The following IRF7 variants were observed in gnomAD, a reference collection of about 807,000 sequenced individuals.
The protein encoded by IRF7 is interferon regulatory factor 7.
IRF7 carries 67 observed loss-of-function variants against 51.3 expected under a neutral mutation model. The observed-to-expected ratio is 1.31, with a 90% CI of 1.07 to 1.60. IRF7 has a LOEUF of 1.60. Ranked by LOEUF, IRF7 falls within the 40% of genes most tolerant of loss-of-function variation. IRF7 has a pLI of 0.00. For synonymous variants in IRF7, 427 were observed against 301.3 expected (o/e 1.42, Z -4.32); for missense variants, 873 against 701.5 (o/e 1.24, Z -2.76).
rs1392722748 is a variant in IRF7, at chr11:613,520, G to A, written c.923C>T (p.Pro308Leu). ...RTVLQKVVGH[P>L]SCTFLYGPPD... ...GGGGCCGTATAGGAACGTGCAGCTC[G>A]GGTGTCCCACCACCTTCTGCAGCAC... The change falls in exon 9 of 11, where the codon CCG (proline) becomes CTG (leucine). Residue 308 changes from proline to leucine, a missense_variant. By Grantham distance (98) the Pro-to-Leu change is moderately conservative. Transcript: ENST00000525445. 6.4e-7 allele frequency: 1 copy of A among 1,563,588 alleles called. No homozygotes were observed. The highest frequency in any genetic ancestry group is 8.6e-7 in the Non-Finnish European group (1 of 1,157,094).
In IRF7 at chr11:615,090, T is replaced by TC. The variant is rs1439730058; in HGVS notation, c.183+6dup. On this transcript the variant is annotated splice_region_variant and intron_variant, in intron 3 of 10. Transcript: ENST00000525445. The stretch of plus-strand genomic sequence containing the variant: ...CACCCGGGGCGGGGCGGGGCTGGGG[T>TC]CCCCACCTTGAAGATGCGCGCGTCG... The TC allele has an allele frequency of 6.4e-7, 1 of 1,572,216 alleles. No individual in the cohort carries two copies. Among genetic ancestry groups the TC allele is most frequent in the Admixed American group, 1.8e-5 (1 of 56,046 alleles).
rs1341854726 is a variant in IRF7, at chr11:613,218, C to T, written c.1225G>A (p.Val409Ile). Reference protein sequence around the residue: ...NCDTPIFDFRVFFQELVEFRA... With the variant: ...NCDTPIFDFRIFFQELVEFRA... Reference sequence around the variant, plus strand: ...GGGCCTCACTGACCTTGGAAGAAGACTCTGAAGTCGAAGATGGGGGTGTCA... The same window carrying T: ...GGGCCTCACTGACCTTGGAAGAAGATTCTGAAGTCGAAGATGGGGGTGTCA... Residue 409 changes from valine (V) to isoleucine (I), a missense_variant, in exon 9 of 11, where the codon GTC becomes ATC. By Grantham distance (29) the Val-to-Ile change is conservative. Transcript: ENST00000525445. 6.3e-7 allele frequency: 1 copy of T among 1,589,672 alleles called. No individual in the cohort carries two copies. Among genetic ancestry groups the T allele is most frequent in the Admixed American group, 1.8e-5 (1 of 56,596 alleles).
rs140644060 is a variant in IRF7 at position 614,230 on chromosome 11, G to A, written c.623C>T (p.Thr208Ile). Reference sequence around the variant, plus strand: ...TTCTTGTCCCTCTCCAGGAGCCTTGGTTGGGACTGGATCTGCCCCCCATGA... The same window carrying A: ...TTCTTGTCCCTCTCCAGGAGCCTTGATTGGGACTGGATCTGCCCCCCATGA... ...TASWGADPVP[T>I]KAPGEGQEGL... The change falls in exon 6 of 11, where the codon ACC becomes ATC. Residue 208 changes from threonine (T) to isoleucine (I), a missense_variant. Physicochemically the swap from Thr to Ile is moderately conservative, Grantham distance 89. Coordinates refer to ENST00000525445, the MANE Select transcript of IRF7 (RefSeq NM_001572.5). 12 of 1,613,062 alleles carry A rather than the reference G, an allele frequency of 7.4e-6. No homozygotes were observed. In the African/African-American group the frequency reaches 1.2e-4, roughly 16 times the overall value.
At position 614,174 on chromosome 11, in the gene IRF7, C is replaced by T. The variant is rs753739972; in HGVS notation, c.679G>A (p.Gly227Ser). 4.3e-6 allele frequency: 7 copies of T among 1,612,284 alleles called. No homozygotes were observed. The highest frequency in any genetic ancestry group is 1.3e-5 in the African/African-American group (1 of 75,038). Residue 227 changes from glycine to serine, a missense_variant and splice_region_variant, in exon 6 of 11, where the codon GGC becomes AGC. Coordinates refer to ENST00000525445, the MANE Select transcript of IRF7 (RefSeq NM_001572.5). The stretch of plus-strand genomic sequence containing the variant: ...CCCCCCTCCCCGGGCACGCCCACAC[C>T]TCCAGCACAGGCCCCAGTCAGGGGA... The part of the protein sequence containing the change: ...GLPLTGACAG[G>S]PGLPAGELYG...
Position 613,343 on chromosome 11 carries a change from C to A in IRF7, c.1100G>T (p.Trp367Leu). 1 of 1,611,650 alleles carries A rather than the reference C, an allele frequency of 6.2e-7. No individual in the cohort carries two copies. The highest frequency in any genetic ancestry group is 8.5e-7 in the Non-Finnish European group (1 of 1,179,570). Residue 367 changes from tryptophan (W) to leucine (L), a missense_variant, in exon 9 of 11, where the codon TGG becomes TTG. Trp to Leu is a moderately conservative substitution (Grantham distance 61). Coordinates refer to ENST00000525445, the MANE Select transcript of IRF7 (RefSeq NM_001572.5). ...LHLELRGPQL[W>L]ARRMGKCKVY... is the part of the protein sequence containing the mutation. ...CTTGCACTTGCCCATGCGCCGGGCC[C>A]ACAGCTGTGGCCCCCGAAGCTCCAG...
intron 4 of IRF7, 78 bp from the exon 5 acceptor site, chr11:614,612 A>G (rs561467328): frequency 1.3e-6 from 2 of 1,511,882 alleles, no homozygotes; most frequent in African/African-American, 1.4e-5. Flanking sequence ...AGCCCCCACC[A>G]GCTTCCTGGC....
Position 614,270 on chromosome 11 carries a change from G to A in IRF7, c.583C>T (p.His195Tyr), listed in dbSNP as rs776071645. 1.2e-6 allele frequency: 2 copies of A among 1,612,450 alleles called. No individual in the cohort carries two copies. Among genetic ancestry groups the A allele is most frequent in the South Asian group, 1.1e-5 (1 of 90,834 alleles). ...GCCCCCCATGACGCTGTCAGCAGAT[G>A]GTCTGCCAGGCAGCTCTGTTGCACT... is the stretch of plus-strand genomic sequence containing the variant. ...QAVQQSCLAD[H>Y]LLTASWGADP... The change falls in exon 6 of 11, where the codon CAT becomes TAT. Residue 195 changes from histidine to tyrosine, a missense_variant. Coordinates refer to ENST00000525445, the MANE Select transcript of IRF7 (RefSeq NM_001572.5).
At position 613,991 on chromosome 11, in the gene IRF7, C is replaced by G; in HGVS notation, c.726G>C (p.Thr242=). The G allele has an allele frequency of 6.2e-7, 1 of 1,608,282 alleles. No homozygotes were observed. The highest frequency in any genetic ancestry group is 8.5e-7 in the Non-Finnish European group (1 of 1,178,488). The part of the protein sequence containing the change: ...AGELYGWAVE[T]TPSPGPQPAA... ...CGGGCTGGGGCCCGGGGCTGGGGGT[C>G]GTCTCTACTGCCCACCCGTACAGCT... The change falls in exon 7 of 11, where the codon ACG becomes ACC. Residue 242 remains threonine, a synonymous_variant. Coordinates refer to ENST00000525445, the MANE Select transcript of IRF7 (RefSeq NM_001572.5).
Position 614,531 on chromosome 11 carries a change from C to G in IRF7, c.398G>C (p.Gly133Ala). Reference protein sequence around the residue: ...ALSRELCWREGPGTDQTEAEA... With the variant: ...ALSRELCWREAPGTDQTEAEA... ...TGCCTCAGTCTGGTCCGTGCCTGGG[C>G]CTTCTGAGAGAGAATGGGGCAGGCG... The change falls in exon 5 of 11, where the codon GGC becomes GCC. Residue 133 changes from glycine to alanine, a missense_variant. Coordinates refer to ENST00000525445, the MANE Select transcript of IRF7 (RefSeq NM_001572.5). 1 of 1,553,264 alleles carries G rather than the reference C, an allele frequency of 6.4e-7. No individual in the cohort carries two copies. The highest frequency in any genetic ancestry group is 8.7e-7 in the Non-Finnish European group (1 of 1,148,094).
In IRF7 at chr11:615,648, C is replaced by G. The variant is rs1305471635; in HGVS notation, c.-283-1G>C. Reference sequence around the variant, plus strand: ...CTGGCGGGAAGGCGCAGGCCGGACCCTGCGGAGACGGGAAAGGCGACGTCA... The same window carrying G: ...CTGGCGGGAAGGCGCAGGCCGGACCGTGCGGAGACGGGAAAGGCGACGTCA... On this transcript the variant is annotated splice_acceptor_variant, in intron 1 of 10. Coordinates refer to ENST00000525445, the MANE Select transcript of IRF7 (RefSeq NM_001572.5). LOFTEE classifies it low-confidence loss of function (5UTR_SPLICE). The G allele has an allele frequency of 2.5e-6, 1 of 403,840 alleles. No individual in the cohort carries two copies. The highest frequency in any genetic ancestry group is 4.4e-6 in the Non-Finnish European group (1 of 228,860). The allele number at this position is 403,840 out of a possible 1,614,324, so 25.0% of individuals were successfully genotyped here.
Position 615,355 on chromosome 11 carries a change from C to A in IRF7, c.10G>T (p.Ala4Ser). The A allele has an allele frequency of 6.6e-7, 1 of 1,519,978 alleles. No individual in the cohort carries two copies. Among genetic ancestry groups the A allele is most frequent in the Admixed American group, 2.1e-5 (1 of 48,190 alleles). 94.2% of individuals were successfully genotyped at this position (1,519,978 alleles called of 1,614,324 possible). A position where few individuals can be genotyped will look rare whatever the true frequency, so the allele number is the denominator to read the frequency against. Residue 4 changes from alanine (A) to serine (S), a missense_variant, in exon 2 of 11, where the codon GCT becomes TCT. Physicochemically the swap from Ala to Ser is moderately conservative, Grantham distance 99. Transcript: ENST00000525445. MAL[A>S]PERAAPRVLF... The stretch of plus-strand genomic sequence containing the variant: ...GGGCCGGGCTCTTACCTCTCAGGAG[C>A]CAAGGCCATTGCTCCTTCTGCAGGG...
Position 613,405 on chromosome 11 carries a change from C to A in IRF7, c.1038G>T (p.Thr346=). 1.9e-6 allele frequency: 3 copies of A among 1,579,890 alleles called. No individual in the cohort carries two copies. Among genetic ancestry groups the A allele is most frequent in the Non-Finnish European group, 2.6e-6 (3 of 1,164,574 alleles). Residue 346 remains threonine, a synonymous_variant, in exon 9 of 11, where the codon ACG becomes ACT. Coordinates refer to ENST00000525445, the MANE Select transcript of IRF7 (RefSeq NM_001572.5). Reference sequence around the variant, plus strand: ...GGGCCACGTGCCGCAGCAGTTCCTCCGTGTAGCGCAGCTGCTTCTGGTCCG... The same window carrying A: ...GGGCCACGTGCCGCAGCAGTTCCTCAGTGTAGCGCAGCTGCTTCTGGTCCG... ...ELPDQKQLRY[T]EELLRHVAPG...
At position 613,942 on chromosome 11, in the gene IRF7, C is replaced by A. The variant is rs551637997; in HGVS notation, c.766+9G>T. 3.1e-6 allele frequency: 5 copies of A among 1,605,260 alleles called. No individual in the cohort carries two copies. The highest frequency in any genetic ancestry group is 4.2e-6 in the Non-Finnish European group (5 of 1,177,410). On this transcript the variant is annotated intron_variant, in intron 7 of 10. Coordinates refer to ENST00000525445, the MANE Select transcript of IRF7 (RefSeq NM_001572.5). Reference sequence around the variant, plus strand: ...GTGCCCCAGGCCTCCCAACCCCTACCCCTCTCACCTGTCGTTAGTGCCGCG... The same window carrying A: ...GTGCCCCAGGCCTCCCAACCCCTACACCTCTCACCTGTCGTTAGTGCCGCG...
At chr11:612,928 C>T (rs936370311) in intron 10 of IRF7, 71 bp downstream of exon 10, 3 of 1,588,784 alleles carry the variant, frequency 1.9e-6, no homozygotes, top group African/African-American at 2.7e-5. Flanking sequence ...CTCTCCGAGG[C>T]TCTGAGGGCA....
chr11:613,456 T>C lies in IRF7; in HGVS notation c.987A>G (p.Val329=), dbSNP rs1255094942. 1 of 1,550,592 alleles carries C rather than the reference T, an allele frequency of 6.4e-7. No homozygotes were observed. The highest frequency in any genetic ancestry group is 1.7e-4 in the Middle Eastern group (1 of 5,792). The change falls in exon 9 of 11, where the codon GTA becomes GTG. Residue 329 remains valine (V), a synonymous_variant. Transcript: ENST00000525445. ...PAVRATDPQQ[V]AFPSPAELPD... is the part of the protein sequence containing the mutation. Reference sequence around the variant, plus strand: ...GGAGCTCGGCAGGGCTGGGGAATGCTACCTGCTGGGGGTCTGTGGCCCGGA... The same window carrying C: ...GGAGCTCGGCAGGGCTGGGGAATGCCACCTGCTGGGGGTCTGTGGCCCGGA...
Position 615,228 on chromosome 11 carries a change from G to T in IRF7, c.52C>A (p.Leu18Ile), listed in dbSNP as rs2133151784. The part of the protein sequence containing the change: ...AAPRVLFGEW[L>I]LGEISSGCYE... ...CAGCCGCTGCTGATCTCTCCAAGGA[G>T]CCACTCTCCGAACAGCACGCGTGGG... Residue 18 changes from leucine to isoleucine, a missense_variant, in exon 3 of 11, where the codon CTC (leucine) becomes ATC (isoleucine). Transcript: ENST00000525445. 3 of 1,592,594 alleles carry T rather than the reference G, an allele frequency of 1.9e-6. No homozygotes were observed. Among genetic ancestry groups the T allele is most frequent in the Non-Finnish European group, 2.6e-6 (3 of 1,173,970 alleles).
Position 613,837 on chromosome 11 carries a change from G to A in IRF7, c.795C>T (p.His265=). ...TGEAAAPESP[H]QAEPYLSPSP... is the part of the protein sequence containing the mutation. ...AGGGTGACAGGTACGGCTCTGCCTGGTGCGGGGACTCTGGGGCCGCGGCCT... is the reference window on the plus strand; with the variant it reads ...AGGGTGACAGGTACGGCTCTGCCTGATGCGGGGACTCTGGGGCCGCGGCCT... Residue 265 remains histidine, a synonymous_variant, in exon 8 of 11, where the codon CAC becomes CAT. Coordinates refer to ENST00000525445, the MANE Select transcript of IRF7 (RefSeq NM_001572.5). 6.3e-7 allele frequency: 1 copy of A among 1,598,274 alleles called. No individual in the cohort carries two copies.
rs553220620 is a variant in IRF7, at chr11:614,035, G to C, written c.682C>G (p.Pro228Ala). Reference protein sequence around the residue: ...LPLTGACAGGPGLPAGELYGW... With the variant: ...LPLTGACAGGAGLPAGELYGW... The stretch of plus-strand genomic sequence containing the variant: ...TACAGCTCCCCAGCAGGGAGCCCTG[G>C]GCCTGAGGAGGGGAGGACAGTGGGA... The change falls in exon 7 of 11, where the codon CCA (proline) becomes GCA (alanine). Residue 228 changes from proline (P) to alanine (A), a missense_variant and splice_region_variant. By Grantham distance (27) the Pro-to-Ala change is conservative (BLOSUM62 -1). Transcript: ENST00000525445. The C allele has an allele frequency of 1.2e-6, 2 of 1,606,796 alleles. No homozygotes were observed. Among genetic ancestry groups the C allele is most frequent in the South Asian group, 2.2e-5 (2 of 89,972 alleles).
rs771128757 is a variant in IRF7 at position 612,639 on chromosome 11, T to G, written c.*6A>C. On this transcript the variant is annotated 3_prime_UTR_variant, in exon 11 of 11. Coordinates refer to ENST00000525445, the MANE Select transcript of IRF7 (RefSeq NM_001572.5). ...CAGCTTTCTGGAGTTCTCATTAGAC[T>G]GGGTTCTAGGCGGGCTGCTCCAGCT... The G allele has an allele frequency of 1.2e-6, 2 of 1,612,524 alleles. No homozygotes were observed. The highest frequency in any genetic ancestry group is 4.5e-5 in the East Asian group (2 of 44,876).
Sources: gnomAD v4.1 joint callset for allele counts on GRCh38, gnomAD v4.1.1 for gene constraint, MANE v1.5 for transcripts, NCBI Gene and HGNC (gene_info 2026-07-23, HGNC 2026-07-21) for gene names.